Variants in GRIN2B observed in about 807,000 individuals in gnomAD.
The protein encoded by GRIN2B is glutamate ionotropic receptor NMDA type subunit 2B.
In GRIN2B, 5 loss-of-function variants were observed where a neutral mutation model predicts 114.5. The observed-to-expected ratio is 0.04, with a 90% CI of 0.02 to 0.09. The LOEUF is 0.09. GRIN2B is among the 10% of genes least tolerant of loss of function. The pLI, the probability that GRIN2B is intolerant of heterozygous loss-of-function variation, is 1.00. For missense variants in GRIN2B, 1,108 were observed against 1,943.5 expected (o/e 0.57, Z 8.08); for synonymous variants, 787 against 745.1 (o/e 1.06, Z -0.92).
At chr12:13,841,598 C>T (rs187655190) in intron 3 of GRIN2B, among the ~76,000 whole-genome samples, 2 of 152,246 alleles carry the variant, frequency 1.3e-5, no homozygotes, top group Non-Finnish European at 2.9e-5. Flanking sequence ...CCTAACAGTT[C>T]AGGGGACGCA....
At position 13,696,242 on chromosome 12, in the gene GRIN2B, T is replaced by G. The variant is rs78992162; in HGVS notation, c.1011-20383A>C. 6.0e-3 allele frequency among the ~76,000 whole-genome samples: 909 copies of G among 152,278 alleles called. 2 individuals carry two copies. The highest frequency in any genetic ancestry group is 0.011 in the Non-Finnish European group (755 of 68,014). On this transcript the variant is annotated intron_variant, in intron 4 of 13. Coordinates refer to ENST00000609686, the MANE Select transcript of GRIN2B (RefSeq NM_000834.5). ...GAGCTAGTATGAGTATACAGAATGA[T>G]GTGAGGGAAACAGCATCCCACAAGT...
At chr12:13,681,851 T>C (rs1367154075) in intron 4 of GRIN2B, among the ~76,000 whole-genome samples, 1 of 152,172 alleles carries the variant, frequency 6.6e-6, no homozygotes, top group Non-Finnish European at 1.5e-5. Flanking sequence ...ATTCTGTTAT[T>C]ATTAGCTGCT....
At chr12:13,674,366 A>G (rs1034708865) in intron 5 of GRIN2B, among the ~76,000 whole-genome samples, 2 of 152,110 alleles carry the variant, frequency 1.3e-5, no homozygotes, top group Non-Finnish European at 1.5e-5. Context: ...TCTCAAAAGA[A>G]TAAGATTAAA....
chr12:13,980,345 A>C lies in GRIN2B; in HGVS notation c.-436T>G, dbSNP rs1056507507. The C allele has an allele frequency of 6.6e-6, 1 of 152,102 alleles. No homozygotes were observed. The highest frequency in any genetic ancestry group is 2.4e-5 in the African/African-American group (1 of 41,414). The allele number at this position is 152,102 out of a possible 1,614,324, so 9.4% of individuals were successfully genotyped here. A position where few individuals can be genotyped will look rare whatever the true frequency, so the allele number is the denominator to read the frequency against. On this transcript the variant is annotated 5_prime_UTR_variant, in exon 2 of 14. Transcript: ENST00000609686. ...CTCGGTGGAGCATGGTCATTCCCAA[A>C]GCGTCCCCTTCCTAAGGGGGAAAAA... is the stretch of plus-strand genomic sequence containing the variant.
At chr12:13,923,889 A>G (rs1866868243) in intron 2 of GRIN2B, among the ~76,000 whole-genome samples, 1 of 152,298 alleles carries the variant, frequency 6.6e-6, no homozygotes, top group South Asian at 2.1e-4. Flanking sequence ...CACTGTCTCC[A>G]TGACAACTCA....
rs61269898 is a variant in GRIN2B, at chr12:13,621,625, T to G, written c.1126-4968A>C. On this transcript the variant is annotated intron_variant, in intron 5 of 13. Transcript: ENST00000609686. ...TTGCCTAGTTTTTGTTTTTTTTTTT[T>G]TTTTTTTTTTTTTTTCAGAAAAACA... Among the ~76,000 whole-genome samples, 636 of 137,288 alleles carry G rather than the reference T, an allele frequency of 4.6e-3. 14 individuals carry two copies. The highest frequency in any genetic ancestry group is 0.014 in the Middle Eastern group (4 of 280). The allele number at this position is 137,288 out of a possible 152,430, so 90.1% of individuals were successfully genotyped here.
intron 4 of GRIN2B, among the ~76,000 whole-genome samples, chr12:13,680,436 T>TG (rs374526823): frequency 3.2e-4 from 39 of 123,574 alleles, no homozygotes; most frequent in African/African-American, 1.0e-3. Context: ...CCCATCAAGG[T>TG]TGTGTGTGTG....
intron 4 of GRIN2B, among the ~76,000 whole-genome samples, chr12:13,732,641 C>T (rs1435480000): frequency 6.6e-6 from 1 of 152,188 alleles, no homozygotes; most frequent in Non-Finnish European, 1.5e-5. Context: ...ATGGGGACTT[C>T]ACTTCTTGAC....
chr12:13,824,895 A>T (rs1471613659), intron 3 of GRIN2B, among the ~76,000 whole-genome samples: 5 of 147,034 alleles, frequency 3.4e-5, no homozygotes, highest in Non-Finnish European at 7.5e-5. Context: ...TTTAGGTTTT[A>T]CTGATTTTCT....
At chr12:13,812,048 T>C (rs956173653) in intron 3 of GRIN2B, among the ~76,000 whole-genome samples, 3 of 152,168 alleles carry the variant, frequency 2.0e-5, no homozygotes, top group Non-Finnish European at 2.9e-5. Flanking sequence ...CAATCTTTCA[T>C]AGAAGTCTCA....
At chr12:13,671,572 T>C (rs1748215028) in intron 5 of GRIN2B, among the ~76,000 whole-genome samples, 1 of 152,160 alleles carries the variant, frequency 6.6e-6, no homozygotes. Flanking sequence ...ATGACTCCAC[T>C]GGGAGTTGGG....
rs1948284586 is a variant in GRIN2B at position 13,542,000 on chromosome 12, C to G, written c.*20783G>C. 1 of 151,838 alleles carries G rather than the reference C, an allele frequency of 6.6e-6. No homozygotes were observed. The highest frequency in any genetic ancestry group is 1.5e-5 in the Non-Finnish European group (1 of 67,984). The allele number at this position is 151,838 out of a possible 1,614,324, so 9.4% of individuals were successfully genotyped here. A position where few individuals can be genotyped will look rare whatever the true frequency, so the allele number is the denominator to read the frequency against. ...GCCAAACTACTTGTTTTTTTCAGAC[C>G]CTCCCCAAGAGTCCTCACTTACCCC... On this transcript the variant is annotated 3_prime_UTR_variant, in exon 14 of 14. Transcript: ENST00000609686.
At chr12:13,901,191 G>A (rs1866445925) in intron 2 of GRIN2B, among the ~76,000 whole-genome samples, 1 of 152,022 alleles carries the variant, frequency 6.6e-6, no homozygotes, top group South Asian at 2.1e-4. Context: ...GTATATATCG[G>A]CAATTTATAG....
At chr12:13,637,747 G>A (rs1440695206) in intron 5 of GRIN2B, among the ~76,000 whole-genome samples, 1 of 152,118 alleles carries the variant, frequency 6.6e-6, no homozygotes, top group African/African-American at 2.4e-5. Flanking sequence ...TATACCCTTA[G>A]AATATAGAGA....
intron 3 of GRIN2B, among the ~76,000 whole-genome samples, chr12:13,844,055 G>A (rs965750485): frequency 2.6e-5 from 4 of 152,190 alleles, no homozygotes; most frequent in Non-Finnish European, 5.9e-5. Context: ...ATCTGACAAA[G>A]CTTAATGAAG....
chr12:13,582,151 C>A (rs905823571), intron 10 of GRIN2B, among the ~76,000 whole-genome samples: 2 of 152,142 alleles, frequency 1.3e-5, no homozygotes, highest in African/African-American at 4.8e-5. Context: ...CAAGACCCTA[C>A]CCCTAAAACA....
At chr12:13,762,232 T>C (rs1440882201) in intron 3 of GRIN2B, among the ~76,000 whole-genome samples, 1 of 152,180 alleles carries the variant, frequency 6.6e-6, no homozygotes, top group Non-Finnish European at 1.5e-5. Context: ...CTCAATCTCC[T>C]GACCTCGTGA....
rs76747704 is a variant in GRIN2B at position 13,882,522 on chromosome 12, G to C, written c.-18-16296C>G. The stretch of plus-strand genomic sequence containing the variant: ...AGAAAGATTTACTATGTGACCTTAA[G>C]CACATCATTTAGCCTCTCTGAACCT... On this transcript the variant is annotated intron_variant, in intron 2 of 13. Transcript: ENST00000609686. 3.1e-3 allele frequency among the ~76,000 whole-genome samples: 469 copies of C among 152,204 alleles called. 3 individuals are homozygous for C. The highest frequency in any genetic ancestry group is 0.01 in the African/African-American group (428 of 41,548).
At chr12:13,885,580 C>G (rs1164558398) in intron 2 of GRIN2B, among the ~76,000 whole-genome samples, 1 of 152,136 alleles carries the variant, frequency 6.6e-6, no homozygotes, top group African/African-American at 2.4e-5. Flanking sequence ...AATCCAAATC[C>G]TGGTCCCTCT....
Sources: gnomAD v4.1 joint callset for allele counts (sites outside exome capture counted in the v4.1 genomes callset) on GRCh38, gnomAD v4.1.1 for gene constraint, MANE v1.5 for transcripts, NCBI Gene and HGNC (gene_info 2026-07-23, HGNC 2026-07-21) for gene names.